Variants in SSH1 observed in about 807,000 individuals in gnomAD.
The protein encoded by SSH1 is protein phosphatase Slingshot homolog 1.
A neutral mutation model predicts 79.7 loss-of-function variants in SSH1; 43 were observed. That is an observed-to-expected ratio of 0.54 (90% confidence interval 0.42 to 0.70). The LOEUF is 0.70. SSH1 is among the 30% of genes least tolerant of loss of function. The probability of loss-of-function intolerance (pLI) is 0.00; values close to 1 mark genes in which losing one functional copy is unlikely to be tolerated. For synonymous variants in SSH1, 599 were observed against 538.3 expected (o/e 1.11, Z -1.56); for missense variants, 1,206 against 1,358.8 (o/e 0.89, Z 1.77).
At chr12:108,823,653 G>A (rs1261435819) in intron 2 of SSH1, among the ~76,000 whole-genome samples, 3 of 152,164 alleles carry the variant, frequency 2.0e-5, no homozygotes, top group African/African-American at 7.2e-5. Flanking sequence ...GGATCTCACT[G>A]TCATATAACA....
intron 13 of SSH1, 117 bp downstream of exon 13, chr12:108,798,883 G>T: frequency 8.2e-7 from 1 of 1,215,744 alleles, no homozygotes; most frequent in East Asian, 2.3e-5. Flanking sequence ...TTTGGCTGTG[G>T]AAGCGGCTGC....
At chr12:108,818,480 T>TA (rs2037990541) in intron 3 of SSH1, among the ~76,000 whole-genome samples, 167 bp from the exon 4 acceptor site, 1 of 152,222 alleles carries the variant, frequency 6.6e-6, no homozygotes, top group South Asian at 2.1e-4. Context: ...GAATTTCTCT[T>TA]ACACCACTCT....
rs938223075 is a variant in SSH1 at position 108,782,848 on chromosome 12, C to G, written c.*5140G>C. ...CCTTTAAATATATTATTTAAAAAAA[C>G]AAGAAGAAAAACAATAAAAAAAATC... On this transcript the variant is annotated 3_prime_UTR_variant, in exon 15 of 15. Transcript: ENST00000326495. The G allele has an allele frequency of 2.0e-5, 3 of 151,916 alleles. No homozygotes were observed. Among genetic ancestry groups the G allele is most frequent in the East Asian group, 1.9e-4 (1 of 5,196 alleles). The allele number at this position is 151,916 out of a possible 1,614,324, so 9.4% of individuals were successfully genotyped here.
Position 108,788,149 on chromosome 12 carries a change from CAGCCTCACTGGACAGGTCTTCCGTTG to C in SSH1, c.2963_2988del (p.Ser988Ter), listed in dbSNP as rs1221884277. 1 of 1,614,034 alleles carries C rather than the reference CAGCCTCACTGGACAGGTCTTCCGTTG, an allele frequency of 6.2e-7. No homozygotes were observed. The highest frequency in any genetic ancestry group is 8.5e-7 in the Non-Finnish European group (1 of 1,180,026). On this transcript the variant is annotated frameshift_variant, in exon 15 of 15. Transcript: ENST00000326495. LOFTEE classifies it low-confidence loss of function (END_TRUNC). ...TGGGAGTCAGCGACGGTGGACGGGTCAGCCTCACTGGACAGGTCTTCCGTTGAGAAGGTGAGACTCCCCAGCTTGGC... is the reference window on the plus strand; with the variant it reads ...TGGGAGTCAGCGACGGTGGACGGGTCAGAAGGTGAGACTCCCCAGCTTGGC...
intron 2 of SSH1, among the ~76,000 whole-genome samples, chr12:108,829,281 C>G (rs1356933056): frequency 6.6e-6 from 1 of 152,136 alleles, no homozygotes; most frequent in Non-Finnish European, 1.5e-5. Flanking sequence ...GAGCCAAGAT[C>G]GCACCACTGT....
chr12:108,855,645 T>C (rs991145469), intron 1 of SSH1, among the ~76,000 whole-genome samples: 5 of 152,158 alleles, frequency 3.3e-5, no homozygotes, highest in Non-Finnish European at 7.3e-5. Context: ...ACATAAACTT[T>C]TGTGATGAGA....
At chr12:108,789,954 A>G (rs2036432431) in intron 14 of SSH1, among the ~76,000 whole-genome samples, 1 of 151,934 alleles carries the variant, frequency 6.6e-6, no homozygotes, top group East Asian at 1.9e-4. Flanking sequence ...TCGGCCTCCC[A>G]AAGTGCTAGG....
chr12:108,802,236 A>T (rs912912345), intron 11 of SSH1, 86 bp downstream of exon 11: 2 of 1,265,400 alleles, frequency 1.6e-6, no homozygotes, highest in African/African-American at 2.9e-5. Context: ...ACAGGCAGGC[A>T]GCCCCAAGGT....
At chr12:108,826,306 G>A (rs1053807865) in intron 2 of SSH1, 13 of 370,302 alleles carry the variant, frequency 3.5e-5, no homozygotes, top group East Asian at 7.4e-5. Context: ...ATAAGAATCA[G>A]GGACTCCTGC....
In SSH1 at chr12:108,792,069, T is replaced by C. The variant is rs776032467; in HGVS notation, c.1893+217A>G. ...CCCAACAGATTCTCAATTTGCTATA[T>C]AAGGTATGCACTACGTACCCACCAG... On this transcript the variant is annotated intron_variant, in intron 14 of 14. Transcript: ENST00000326495. The C allele has an allele frequency of 2.1e-5, 30 of 1,447,210 alleles. No homozygotes were observed. The Admixed American group carries it at 8.0e-4, about 38-fold the overall frequency. 89.6% of individuals were successfully genotyped at this position (1,447,210 alleles called of 1,614,324 possible). A position where few individuals can be genotyped will look rare whatever the true frequency, so the allele number is the denominator to read the frequency against.
At chr12:108,816,713 C>T (rs973478987) in intron 5 of SSH1, among the ~76,000 whole-genome samples, 4 of 152,182 alleles carry the variant, frequency 2.6e-5, no homozygotes, top group East Asian at 3.9e-4. Flanking sequence ...CTGGGTTCGG[C>T]GTTGTTGTCA....
chr12:108,792,963 A>G (rs2036579052), intron 13 of SSH1, 134 bp from the exon 14 acceptor site: 1 of 1,034,710 alleles, frequency 9.7e-7, no homozygotes, highest in Non-Finnish European at 1.4e-6. Context: ...TCATTCAGGT[A>G]AAGCCTCTCT....
Position 108,787,903 on chromosome 12 carries a change from G to C in SSH1, c.*85C>G. On this transcript the variant is annotated 3_prime_UTR_variant, in exon 15 of 15. Transcript: ENST00000326495. ...TCACTCGTTTAAGGGAAATCAAGATGTAAGGGGTCGATCCAAATCCACAGT... is the reference window on the plus strand; with the variant it reads ...TCACTCGTTTAAGGGAAATCAAGATCTAAGGGGTCGATCCAAATCCACAGT... 6.5e-7 allele frequency: 1 copy of C among 1,541,390 alleles called. No homozygotes were observed. The highest frequency in any genetic ancestry group is 8.9e-7 in the Non-Finnish European group (1 of 1,119,166).
intron 2 of SSH1, among the ~76,000 whole-genome samples, chr12:108,845,917 C>G (rs2038889603): frequency 6.6e-6 from 1 of 152,166 alleles, no homozygotes; most frequent in Non-Finnish European, 1.5e-5. Flanking sequence ...AGGGAGGAAC[C>G]CCAGAGTGTG....
intron 1 of SSH1, among the ~76,000 whole-genome samples, chr12:108,854,954 C>G (rs899158597): frequency 6.6e-6 from 1 of 152,176 alleles, no homozygotes. Context: ...AACATCCCAG[C>G]GCATTCAAAG....
chr12:108,788,068 C>A lies in SSH1; in HGVS notation c.3070G>T (p.Asp1024Tyr). 6.2e-7 allele frequency: 1 copy of A among 1,614,006 alleles called. No individual in the cohort carries two copies. Among genetic ancestry groups the A allele is most frequent in the Non-Finnish European group, 8.5e-7 (1 of 1,180,006 alleles). The stretch of plus-strand genomic sequence containing the variant: ...GATGGTTTGGAGGTTGCAGCTGGGT[C>A]CCTCGGGGTTCCCTGGGGCTCATGC... ...FLHEPQGTPR[D>Y]PAATSKPSGK... The change falls in exon 15 of 15, where the codon GAC (aspartate) becomes TAC (tyrosine). Residue 1024 changes from aspartate to tyrosine, a missense_variant. Physicochemically the swap from Asp to Tyr is radical, Grantham distance 160. Transcript: ENST00000326495.
At chr12:108,853,351 T>C in intron 1 of SSH1, 5 of 985,302 alleles carry the variant, frequency 5.1e-6, no homozygotes, top group Non-Finnish European at 6.0e-6. Flanking sequence ...TTATTTTTTT[T>C]CTTTCAGAGA....
chr12:108,792,188 C>T (rs372080804), intron 14 of SSH1, 98 bp downstream of exon 14: 19 of 1,578,810 alleles, frequency 1.2e-5, no homozygotes, highest in East Asian at 2.3e-5. Context: ...GGTGTGGTGG[C>T]GGGTGCCTGT....
chr12:108,801,584 T>A (rs1467936522), intron 11 of SSH1, among the ~76,000 whole-genome samples: 1 of 152,196 alleles, frequency 6.6e-6, no homozygotes, highest in African/African-American at 2.4e-5. Context: ...GGCCTTACGT[T>A]TTAAGAATAC....
Sources: gnomAD v4.1 joint callset for allele counts (sites outside exome capture counted in the v4.1 genomes callset) on GRCh38, gnomAD v4.1.1 for gene constraint, MANE v1.5 for transcripts, NCBI Gene and HGNC (gene_info 2026-07-23, HGNC 2026-07-21) for gene names.